Variants in CCDC149 observed in about 807,000 individuals in gnomAD.
CCDC149 encodes the protein coiled-coil domain-containing protein 149.
Under a neutral mutation model 59.9 loss-of-function variants are expected in CCDC149, and 45 were observed. The observed-to-expected ratio is 0.75, with a 90% CI of 0.59 to 0.96. The LOEUF (loss-of-function observed/expected upper bound fraction) is 0.96, where lower values mean the gene tolerates loss of function less well. CCDC149 is among the 40% of genes least tolerant of loss of function. The probability of loss-of-function intolerance (pLI) is 0.00; values close to 1 mark genes in which losing one functional copy is unlikely to be tolerated. For missense variants in CCDC149, 584 were observed against 664.7 expected (o/e 0.88, Z 1.33); for synonymous variants, 245 against 260.6 (o/e 0.94, Z 0.58).
intron 1 of CCDC149, among the ~76,000 whole-genome samples, chr4:24,937,659 A>T (rs1263041186): frequency 6.6e-6 from 1 of 152,196 alleles, no homozygotes; most frequent in East Asian, 1.9e-4. Context: ...GCTGAGGAAG[A>T]GGAGGAGAAA....
intron 2 of CCDC149, among the ~76,000 whole-genome samples, chr4:24,875,955 T>G (rs953159987): frequency 6.6e-6 from 1 of 152,060 alleles, no homozygotes; most frequent in Non-Finnish European, 1.5e-5. Context: ...AATAGAAAAT[T>G]TCAACAATAA....
At chr4:24,906,376 T>TTTTTATTTTATTTTA (rs66808189) in intron 1 of CCDC149, among the ~76,000 whole-genome samples, 19,523 of 111,964 alleles carry the variant, frequency 0.17, 2,609 homozygotes, top group African/African-American at 0.35. Flanking sequence ...TTTTATTTTA[T>TTTTTATTTTATTTTA]TTTATTTTAT....
At chr4:24,931,003 T>A (rs910219469) in intron 1 of CCDC149, among the ~76,000 whole-genome samples, 1 of 152,076 alleles carries the variant, frequency 6.6e-6, no homozygotes, top group Non-Finnish European at 1.5e-5. Context: ...AGGTAACACA[T>A]ACTTAATGGT....
chr4:24,940,566 G>A (rs570103587), intron 1 of CCDC149, among the ~76,000 whole-genome samples: 28 of 152,150 alleles, frequency 1.8e-4, no homozygotes, highest in Non-Finnish European at 3.2e-4. Context: ...AAATGTAAAT[G>A]GGCTAAATGC....
intron 3 of CCDC149, among the ~76,000 whole-genome samples, chr4:24,866,547 T>G (rs1718703978): frequency 6.6e-6 from 1 of 152,142 alleles, no homozygotes; most frequent in Non-Finnish European, 1.5e-5. Flanking sequence ...AAAGGGGCGC[T>G]CTGTGTACAC....
At chr4:24,935,171 G>A (rs1455902792) in intron 1 of CCDC149, among the ~76,000 whole-genome samples, 1 of 152,156 alleles carries the variant, frequency 6.6e-6, no homozygotes, top group Admixed American at 6.5e-5. Flanking sequence ...GATTCTGGAA[G>A]TATTTTTAAG....
At chr4:24,852,880 T>C (rs1429500036) in intron 4 of CCDC149, among the ~76,000 whole-genome samples, 192 bp downstream of exon 4, 2 of 152,070 alleles carry the variant, frequency 1.3e-5, no homozygotes, top group Non-Finnish European at 2.9e-5. Flanking sequence ...AACACACATA[T>C]ACATGCATGC....
intron 1 of CCDC149, among the ~76,000 whole-genome samples, chr4:24,969,330 G>A (rs185956659): frequency 7.2e-5 from 11 of 152,308 alleles, no homozygotes; most frequent in Admixed American, 5.9e-4. Flanking sequence ...CTTGCAGGGT[G>A]GCCAACCAAC....
chr4:24,805,523 T>G (rs1714110799), downstream of CCDC149, among the ~76,000 whole-genome samples: 1 of 152,256 alleles, frequency 6.6e-6, no homozygotes, highest in Non-Finnish European at 1.5e-5. Flanking sequence ...TCCCAAGATA[T>G]GATTCTGTTT....
intron 1 of CCDC149, among the ~76,000 whole-genome samples, chr4:24,899,479 GCACAGC>G (rs1367204418): frequency 6.6e-6 from 1 of 152,176 alleles, no homozygotes; most frequent in African/African-American, 2.4e-5. Context: ...ATCAGAGGCT[GCACAGC>G]CAGGATCGAG....
chr4:24,821,467 A>G (rs538937229), intron 10 of CCDC149, among the ~76,000 whole-genome samples: 1 of 152,356 alleles, frequency 6.6e-6, no homozygotes, highest in African/African-American at 2.4e-5. Context: ...GGCAGTTATT[A>G]GTTCTGTCAG....
intron 1 of CCDC149, among the ~76,000 whole-genome samples, chr4:24,937,989 T>A (rs979962220): frequency 1.5e-4 from 23 of 152,274 alleles, no homozygotes; most frequent in African/African-American, 5.5e-4. Context: ...TATTTGATAT[T>A]TCTGTATGTG....
At chr4:24,858,238 A>C (rs563578287) in intron 3 of CCDC149, among the ~76,000 whole-genome samples, 253 of 152,352 alleles carry the variant, frequency 1.7e-3, no homozygotes, top group African/African-American at 5.8e-3. Flanking sequence ...CCATCAGTTT[A>C]GAATAACAGC....
In CCDC149 at chr4:24,887,807, T is replaced by A. The variant is rs1439201656; in HGVS notation, c.64-11110A>T. Among the ~76,000 whole-genome samples, 6 of 147,726 alleles carry A rather than the reference T, an allele frequency of 4.1e-5. No individual in the cohort carries two copies. The South Asian group carries it at 6.5e-4, about 16-fold the overall frequency. On this transcript the variant is annotated intron_variant, in intron 1 of 12. Coordinates refer to ENST00000635206, the MANE Select transcript of CCDC149 (RefSeq NM_001330643.2). Reference sequence around the variant, plus strand: ...TAAATTAGGGCTTGCCACTCTTCTTTAAAAAAAAAAAAATCTCTGATGTTA... The same window carrying A: ...TAAATTAGGGCTTGCCACTCTTCTTAAAAAAAAAAAAAATCTCTGATGTTA...
chr4:24,846,756 C>A (rs1159374517), intron 4 of CCDC149, among the ~76,000 whole-genome samples: 1 of 152,174 alleles, frequency 6.6e-6, no homozygotes, highest in African/African-American at 2.4e-5. Context: ...TATGCAATAT[C>A]ACAACAGCTA....
At chr4:24,974,566 A>T (rs973266390) in intron 1 of CCDC149, among the ~76,000 whole-genome samples, 11 of 152,168 alleles carry the variant, frequency 7.2e-5, no homozygotes, top group African/African-American at 2.4e-4. Flanking sequence ...GCACATAAGA[A>T]TTTCTCAACC....
At chr4:24,850,103 T>C (rs1717559198) in intron 4 of CCDC149, among the ~76,000 whole-genome samples, 1 of 152,246 alleles carries the variant, frequency 6.6e-6, no homozygotes, top group Admixed American at 6.5e-5. Flanking sequence ...AACCAGATGG[T>C]AGTTGGTCTG....
At chr4:24,884,363 G>C (rs1042399221) in intron 1 of CCDC149, among the ~76,000 whole-genome samples, 1 of 152,178 alleles carries the variant, frequency 6.6e-6, no homozygotes, top group East Asian at 1.9e-4. Context: ...GTAGCCTCGG[G>C]ATGCAGCGGA....
intron 1 of CCDC149, among the ~76,000 whole-genome samples, chr4:24,964,068 T>A (rs1457237540): frequency 6.6e-6 from 1 of 151,956 alleles, no homozygotes; most frequent in African/African-American, 2.4e-5. Context: ...TGGTGGCATA[T>A]GTCTGTAGTT....
Sources: allele counts gnomAD v4.1 joint callset (sites outside exome capture counted in the v4.1 genomes callset), GRCh38; gene constraint gnomAD v4.1.1; transcripts MANE v1.5; gene names NCBI Gene and HGNC (gene_info 2026-07-23, HGNC 2026-07-21).